PCDHA11: variants seen among roughly 807,000 people sequenced by gnomAD.
PCDHA11 encodes the protein protocadherin alpha-11.
In PCDHA11, 61 loss-of-function variants were observed where a neutral mutation model predicts 70.3. The ratio of observed to expected loss-of-function variants is 0.87; its 90% CI spans 0.71 to 1.07. PCDHA11 has a LOEUF of 1.07. Among genes scored for constraint, PCDHA11 ranks in the 50% least tolerant of loss-of-function variants. The pLI, the probability that PCDHA11 is intolerant of heterozygous loss-of-function variation, is 0.00. For missense variants in PCDHA11, 1,324 were observed against 1,237.5 expected (o/e 1.07, Z -1.05); for synonymous variants, 633 against 555.1 (o/e 1.14, Z -1.97).
intron 1 of PCDHA11, among the ~76,000 whole-genome samples, chr5:140,941,977 A>G (rs1247578104): frequency 6.6e-6 from 1 of 152,154 alleles, no homozygotes; most frequent in Admixed American, 6.5e-5. Context: ...CTTTCCCTAA[A>G]CCTTGATAAG....
At chr5:141,003,095 T>C (rs1245011518) in intron 3 of PCDHA11, among the ~76,000 whole-genome samples, 3 of 152,258 alleles carry the variant, frequency 2.0e-5, no homozygotes, top group African/African-American at 7.2e-5. Flanking sequence ...AGGCCTGGCA[T>C]TTGCTTCACA....
chr5:140,992,390 C>T (rs1007853972), intron 3 of PCDHA11, among the ~76,000 whole-genome samples: 1 of 152,082 alleles, frequency 6.6e-6, no homozygotes, highest in Admixed American at 6.6e-5. Context: ...GTGTTCTGGA[C>T]TTAGAGATAT....
At chr5:140,980,279 AAAAGTACC>A (rs1554241598) in intron 2 of PCDHA11, among the ~76,000 whole-genome samples, 2 of 152,236 alleles carry the variant, frequency 1.3e-5, no homozygotes, top group African/African-American at 4.8e-5. Flanking sequence ...CCAACTCTTG[AAAAGTACC>A]AAAGCTATGA....
intron 1 of PCDHA11, among the ~76,000 whole-genome samples, chr5:140,900,920 T>G (rs539511607): frequency 2.0e-5 from 3 of 152,204 alleles, no homozygotes; most frequent in Non-Finnish European, 4.4e-5. Context: ...TAAGATGATA[T>G]CTCATTGTAG....
chr5:140,925,951 A>G (rs1057448284), intron 1 of PCDHA11, among the ~76,000 whole-genome samples: 2 of 152,102 alleles, frequency 1.3e-5, no homozygotes, highest in Admixed American at 1.3e-4. Flanking sequence ...GAGAAGGAGA[A>G]ACTGCTATCA....
chr5:140,946,574 G>A (rs246054), intron 1 of PCDHA11, among the ~76,000 whole-genome samples: 79,382 of 143,554 alleles, frequency 0.55, 22,609 homozygotes, highest in African/African-American at 0.68. Context: ...AATCAACTTA[G>A]GTGTTCATAG....
intron 3 of PCDHA11, among the ~76,000 whole-genome samples, chr5:140,987,811 C>CT (rs1444999429): frequency 6.6e-6 from 1 of 152,100 alleles, no homozygotes; most frequent in East Asian, 1.9e-4. Flanking sequence ...GTGCCTGTCT[C>CT]TTTGTTTCCT....
intron 1 of PCDHA11, among the ~76,000 whole-genome samples, chr5:140,960,717 T>G (rs367185): frequency 9.9e-5 from 3 of 30,264 alleles, no homozygotes; most frequent in African/African-American, 2.5e-4. Flanking sequence ...ATACTCATCT[T>G]ATTTTAGTCC....
At chr5:140,882,164 C>A in intron 1 of PCDHA11, 1 of 1,509,950 alleles carries the variant, frequency 6.6e-7, no homozygotes, top group Non-Finnish European at 8.9e-7. Flanking sequence ...ATACCTCTTG[C>A]GAATCCTTCC....
chr5:140,964,880 C>T (rs2095860447), intron 1 of PCDHA11, among the ~76,000 whole-genome samples: 1 of 152,168 alleles, frequency 6.6e-6, no homozygotes, highest in Admixed American at 6.5e-5. Context: ...TAAGAAGCAG[C>T]AGTGATAGGA....
chr5:140,918,585 T>A (rs147777186), intron 1 of PCDHA11, among the ~76,000 whole-genome samples: 51 of 152,368 alleles, frequency 3.3e-4, no homozygotes, highest in African/African-American at 9.9e-4. Context: ...ATTGGCTATA[T>A]GTTCTATAGA....
chr5:141,010,001 A>G lies in PCDHA11; in HGVS notation c.*64A>G. The G allele has an allele frequency of 6.4e-7, 1 of 1,574,588 alleles. No homozygotes were observed. The highest frequency in any genetic ancestry group is 8.6e-7 in the Non-Finnish European group (1 of 1,164,348). On this transcript the variant is annotated 3_prime_UTR_variant, in exon 4 of 4. Transcript: ENST00000398640. ...TAATAATGGCAAATCTCTCCCATGT[A>G]GCAATTCCCTGCTCCTTTTTCCTAT...
chr5:140,967,665 C>A, intron 1 of PCDHA11: 1 of 1,614,154 alleles, frequency 6.2e-7, no homozygotes, highest in Non-Finnish European at 8.5e-7. Context: ...AGCAGCTACA[C>A]GTCGGACCGG....
intron 1 of PCDHA11, chr5:140,882,003 G>C: frequency 2.0e-6 from 1 of 492,180 alleles, no homozygotes; most frequent in Non-Finnish European, 3.4e-6. Flanking sequence ...AATGCAAGGG[G>C]CAAAAAAATA....
chr5:140,870,428 T>C lies in PCDHA11; in HGVS notation c.1325T>C (p.Val442Ala). 1.9e-6 allele frequency: 3 copies of C among 1,614,126 alleles called. No individual in the cohort carries two copies. The highest frequency in any genetic ancestry group is 2.5e-6 in the Non-Finnish European group (3 of 1,180,014). The change falls in exon 1 of 4, where the codon GTG becomes GCG. Residue 442 changes from valine (V) to alanine (A), a missense_variant. Transcript: ENST00000398640. ...CTGTGGGCCACGGCCAGGGTATCCG[T>C]GGAGGTGGCCGACGTGAACGACAAT... The part of the protein sequence containing the change: ...PSLWATARVS[V>A]EVADVNDNAP...
intron 1 of PCDHA11, among the ~76,000 whole-genome samples, chr5:140,941,955 A>G (rs1424348103): frequency 1.3e-5 from 2 of 152,216 alleles, no homozygotes; most frequent in Non-Finnish European, 2.9e-5. Flanking sequence ...TTTGAAAACA[A>G]TAGTATCTTT....
chr5:140,898,275 T>C (rs13181478), intron 1 of PCDHA11, among the ~76,000 whole-genome samples: 1 of 152,166 alleles, frequency 6.6e-6, no homozygotes, highest in Non-Finnish European at 1.5e-5. Context: ...ATGCCTAAGT[T>C]CTGAATGGTA....
chr5:140,922,074 CA>C (rs1554200639), intron 1 of PCDHA11, among the ~76,000 whole-genome samples: 1 of 151,892 alleles, frequency 6.6e-6, no homozygotes, highest in Non-Finnish European at 1.5e-5. Flanking sequence ...TCCCACTAAG[CA>C]AAAAGTGGTA....
At position 140,884,044 on chromosome 5, in the gene PCDHA11, G is replaced by T. The variant is rs374333847; in HGVS notation, c.2391+12550G>T. On this transcript the variant is annotated intron_variant, in intron 1 of 3. Coordinates refer to ENST00000398640, the MANE Select transcript of PCDHA11 (RefSeq NM_018902.5). ...CGGTGGGTGCAGGCCACGTGGTGGC[G>T]AAGGTGCGCGCGGTGGACGCCGATT... 2.5e-6 allele frequency: 4 copies of T among 1,613,476 alleles called. No homozygotes were observed. In the South Asian group the frequency reaches 3.3e-5, roughly 13 times the overall value.
Sources: gnomAD v4.1 joint callset for allele counts (sites outside exome capture counted in the v4.1 genomes callset) on GRCh38, gnomAD v4.1.1 for gene constraint, MANE v1.5 for transcripts, NCBI Gene and HGNC (gene_info 2026-07-23, HGNC 2026-07-21) for gene names.